The following ABCC5 variants were observed in gnomAD, a reference collection of about 807,000 sequenced individuals.
ABCC5 encodes ATP-binding cassette sub-family C member 5.
In ABCC5, 61 loss-of-function variants were observed where a neutral mutation model predicts 160.9. The ratio of observed to expected loss-of-function variants is 0.38; its 90% CI spans 0.31 to 0.47. ABCC5 has a LOEUF of 0.47. ABCC5 is among the 20% of genes least tolerant of loss of function. The pLI is 0.99. For missense variants in ABCC5, 1,308 were observed against 1,813.3 expected (o/e 0.72, Z 5.06); for synonymous variants, 666 against 700.6 (o/e 0.95, Z 0.78).
At position 183,921,242 on chromosome 3, in the gene ABCC5, G is replaced by A. The variant is rs1367005219; in HGVS notation, c.*58C>T. ...GGTAGGAGGACGCGATGAGGGGCCC[G>A]CCCCAGGCAGGGAATGGCAATGCTC... On this transcript the variant is annotated 3_prime_UTR_variant, in exon 30 of 30. Coordinates refer to ENST00000334444, the MANE Select transcript of ABCC5 (RefSeq NM_005688.4). This position sits in a 1 kb window ranked among gnomAD's most constrained non-coding sequence, Gnocchi z 4.1. 3.9e-6 allele frequency: 4 copies of A among 1,028,444 alleles called. No individual in the cohort carries two copies. The highest frequency in any genetic ancestry group is 2.8e-5 in the South Asian group (2 of 70,292). 63.7% of individuals were successfully genotyped at this position (1,028,444 alleles called of 1,614,324 possible). A position where few individuals can be genotyped will look rare whatever the true frequency, so the allele number is the denominator to read the frequency against.
In ABCC5 at chr3:183,988,649, G is replaced by A. The variant is rs774046514; in HGVS notation, c.366C>T (p.Ala122=). The A allele has an allele frequency of 1.9e-6, 3 of 1,614,206 alleles. No individual in the cohort carries two copies. The Admixed American group carries it at 5.0e-5, about 27-fold the overall frequency. The change falls in exon 4 of 30, where the codon GCC becomes GCT. Residue 122 remains alanine (A), a synonymous_variant. Coordinates refer to ENST00000334444, the MANE Select transcript of ABCC5 (RefSeq NM_005688.4). This position sits in a 1 kb window ranked among gnomAD's most constrained non-coding sequence, Gnocchi z 4.4. ...CCATTGAGAGCTCCCCCTTCTTGTG[G>A]GCCACACGGGCCAGAGAAGAAAGCC... ...FSWLSSLARV[A]HKKGELSMED... is the part of the protein sequence containing the mutation.
At chr3:184,011,087 C>T (rs1248433061) in intron 2 of ABCC5, among the ~76,000 whole-genome samples, 1 of 152,106 alleles carries the variant, frequency 6.6e-6, no homozygotes, top group Non-Finnish European at 1.5e-5. Flanking sequence ...CTTATGTCCA[C>T]GAATAGGTTT....
At chr3:183,937,601 A>G (rs943218868) in intron 26 of ABCC5, among the ~76,000 whole-genome samples, 2 of 152,224 alleles carry the variant, frequency 1.3e-5, no homozygotes, top group African/African-American at 4.8e-5. Flanking sequence ...TTGAGGAAAC[A>G]GGCACAGGAG....
Position 183,949,992 on chromosome 3 carries a change from T to C in ABCC5, c.3078A>G (p.Ser1026=), listed in dbSNP as rs1302907723. The C allele has an allele frequency of 6.2e-7, 1 of 1,614,070 alleles. No homozygotes were observed. The highest frequency in any genetic ancestry group is 1.7e-5 in the Admixed American group (1 of 60,004). ...TTTACCTGGAGACAATGTGCAGGAC[T>C]GAAAAGAGGATGACAAGGGGCCCCA... ...VAVGPLVILF[S]VLHIVSRVLI... is the part of the protein sequence containing the mutation. Residue 1026 remains serine (S), a synonymous_variant, in exon 21 of 30, where the codon TCA becomes TCG. Coordinates refer to ENST00000334444, the MANE Select transcript of ABCC5 (RefSeq NM_005688.4). The surrounding 1 kb of genome is among the most constrained non-coding windows in gnomAD (Gnocchi z 4.2).
intron 17 of ABCC5, among the ~76,000 whole-genome samples, chr3:183,956,609 T>A (rs1171693035): frequency 6.6e-6 from 1 of 150,506 alleles, no homozygotes; most frequent in Non-Finnish European, 1.5e-5. Flanking sequence ...CGTGTGTATA[T>A]CACATCTGTT....
At chr3:183,970,276 C>T (rs943760910) in intron 11 of ABCC5, among the ~76,000 whole-genome samples, 1 of 152,130 alleles carries the variant, frequency 6.6e-6, no homozygotes. Context: ...TCCTTTGGCC[C>T]GGAATGTTCT....
At chr3:183,956,431 TGC>T (rs2108805792) in intron 17 of ABCC5, among the ~76,000 whole-genome samples, 1 of 151,708 alleles carries the variant, frequency 6.6e-6, no homozygotes, top group African/African-American at 2.4e-5. Context: ...ATCGGTTACA[TGC>T]AGATCCGTGT....
At chr3:183,947,989 G>A (rs556447186) in intron 22 of ABCC5, among the ~76,000 whole-genome samples, 1 of 152,304 alleles carries the variant, frequency 6.6e-6, no homozygotes, top group African/African-American at 2.4e-5. Context: ...ATGCAGAATG[G>A]CACTTGTTCC....
chr3:183,979,324 G>A (rs1309081806), intron 8 of ABCC5, among the ~76,000 whole-genome samples: 1 of 147,172 alleles, frequency 6.8e-6, no homozygotes, highest in Non-Finnish European at 1.5e-5. Context: ...CAGACTGGGT[G>A]ACAAAGCCAG....
chr3:183,990,699 G>A (rs1440131325), intron 2 of ABCC5, among the ~76,000 whole-genome samples: 1 of 152,186 alleles, frequency 6.6e-6, no homozygotes, highest in Non-Finnish European at 1.5e-5. Flanking sequence ...GCAGCACGCA[G>A]CAAAGGATCT....
At chr3:184,012,659 C>T (rs1238929081) in intron 2 of ABCC5, among the ~76,000 whole-genome samples, 1 of 152,190 alleles carries the variant, frequency 6.6e-6, no homozygotes, top group Non-Finnish European at 1.5e-5. Flanking sequence ...TTAACTGTTA[C>T]ACTAAATGTG....
intron 2 of ABCC5, among the ~76,000 whole-genome samples, chr3:183,990,680 C>T (rs1719683676): frequency 1.3e-5 from 2 of 152,194 alleles, no homozygotes. Context: ...AAGAGCTCTA[C>T]ACTTCCCTGC....
At chr3:183,922,031 AAAATAATAAATAAAT>A (rs1712031439) in intron 29 of ABCC5, among the ~76,000 whole-genome samples, 1 of 144,242 alleles carries the variant, frequency 6.9e-6, no homozygotes, top group Non-Finnish European at 1.5e-5. Context: ...ACTCTGCCTC[AAAATAATAAATAAAT>A]AAATAAATAA....
At chr3:183,978,203 C>T (rs1718390589) in intron 9 of ABCC5, among the ~76,000 whole-genome samples, 1 of 152,232 alleles carries the variant, frequency 6.6e-6, no homozygotes, top group African/African-American at 2.4e-5. Flanking sequence ...GCTGGCTCCC[C>T]ACTCTTCTGC....
At chr3:183,974,986 A>G (rs1044324070) in intron 10 of ABCC5, among the ~76,000 whole-genome samples, 1 of 152,228 alleles carries the variant, frequency 6.6e-6, no homozygotes, top group Non-Finnish European at 1.5e-5. Flanking sequence ...CAGGGTGAAA[A>G]GCAGGGCTCT....
At position 183,959,814 on chromosome 3, in the gene ABCC5, T is replaced by C. The variant is rs1577533789; in HGVS notation, c.2401A>G (p.Ser801Gly). The C allele has an allele frequency of 6.2e-7, 1 of 1,611,104 alleles. No homozygotes were observed. Among genetic ancestry groups the C allele is most frequent in the East Asian group, 2.2e-5 (1 of 44,822 alleles). The change falls in exon 17 of 30, where the codon AGT becomes GGT. Residue 801 changes from serine (S) to glycine (G), a missense_variant. Around this residue, in one of 3 missense-constraint regions of ABCC5, gnomAD observed 1,142 missense variants for 1,527.1 expected, o/e 0.75. Transcript: ENST00000334444. ...TCTTGTGACTTCTTCTGTGAACCAC[T>C]GGTTTCCTTTTTTGAATTGATCTAA... ...PVEINSKKET[S>G]GSQKKSQDKG... is the part of the protein sequence containing the mutation.
At chr3:183,957,576 G>A (rs1339065711) in intron 17 of ABCC5, among the ~76,000 whole-genome samples, 5 of 150,316 alleles carry the variant, frequency 3.3e-5, no homozygotes, top group African/African-American at 7.3e-5. Context: ...ACATCACATC[G>A]GTTACATGCT....
chr3:183,990,611 CCT>C (rs1331918938), intron 2 of ABCC5, among the ~76,000 whole-genome samples: 6 of 152,184 alleles, frequency 3.9e-5, no homozygotes, highest in Non-Finnish European at 7.3e-5. Flanking sequence ...ACGTGCCTCC[CCT>C]GTCACAGCAG....
intron 28 of ABCC5, among the ~76,000 whole-genome samples, chr3:183,925,947 T>G (rs1712508991): frequency 6.7e-6 from 1 of 150,098 alleles, no homozygotes; most frequent in South Asian, 2.1e-4. Flanking sequence ...CACGCCATTC[T>G]CCTGCCTCAG....
Sources: gnomAD v4.1 joint callset for allele counts (sites outside exome capture counted in the v4.1 genomes callset) on GRCh38, gnomAD v4.1.1 for gene constraint, gnomAD v4.1.1 regional missense constraint, Gnocchi (gnomAD v3.1) non-coding constraint, MANE v1.5 for transcripts, NCBI Gene and HGNC (gene_info 2026-07-23, HGNC 2026-07-21) for gene names.